Variants in RALYL observed in about 807,000 individuals in gnomAD.
The protein encoded by RALYL is RALY RNA binding protein like, also known as RNA-binding Raly-like protein.
A neutral mutation model predicts 35.1 loss-of-function variants in RALYL; 29 were observed. The observed-to-expected ratio is 0.83, with a 90% CI of 0.61 to 1.13. RALYL has a LOEUF of 1.13. RALYL is among the 50% of genes most tolerant of loss of function. The pLI is 0.00. For missense variants in RALYL, 359 were observed against 360.4 expected (o/e 1.00, Z 0.03); for synonymous variants, 120 against 127.6 (o/e 0.94, Z 0.40).
intron 2 of RALYL, among the ~76,000 whole-genome samples, chr8:84,748,317 T>C (rs992769999): frequency 2.6e-5 from 4 of 152,004 alleles, no homozygotes; most frequent in Admixed American, 1.3e-4. Flanking sequence ...CAGCTTTCAG[T>C]TGACATGGTA....
chr8:84,633,103 A>G (rs1824272724), intron 2 of RALYL, among the ~76,000 whole-genome samples: 1 of 80,504 alleles, frequency 1.2e-5, no homozygotes, highest in Non-Finnish European at 2.4e-5. Context: ...CTTTACTACA[A>G]TTGATAGAAT....
chr8:84,907,358 A>C (rs1042214921), intron 8 of RALYL, among the ~76,000 whole-genome samples: 3 of 151,990 alleles, frequency 2.0e-5, no homozygotes, highest in African/African-American at 7.2e-5. Flanking sequence ...ACACAGTGAA[A>C]AACTGAGAGG....
intron 2 of RALYL, among the ~76,000 whole-genome samples, chr8:84,714,072 T>C (rs1467010581): frequency 2.6e-5 from 4 of 151,144 alleles, no homozygotes; most frequent in African/African-American, 9.7e-5. Flanking sequence ...ATTCAATCTA[T>C]AAAAAGAAGG....
At chr8:84,722,826 A>T (rs1011472622) in intron 2 of RALYL, among the ~76,000 whole-genome samples, 1 of 148,528 alleles carries the variant, frequency 6.7e-6, no homozygotes, top group African/African-American at 2.5e-5. Flanking sequence ...AATTTTGTAT[A>T]AAAAAGGGAG....
chr8:84,307,501 C>A (rs996799135), intron 1 of RALYL, among the ~76,000 whole-genome samples: 13 of 152,086 alleles, frequency 8.5e-5, no homozygotes, highest in Non-Finnish European at 1.8e-4. Context: ...AAAGCACAAC[C>A]ACGTATATTT....
At chr8:84,914,310 T>C (rs6990756) in intron 8 of RALYL, among the ~76,000 whole-genome samples, 49,200 of 151,854 alleles carry the variant, frequency 0.32, 8,560 homozygotes, top group East Asian at 0.61. Context: ...TTATCATTTC[T>C]AGCATTGGGA....
chr8:84,493,027 C>A (rs984384404), intron 1 of RALYL, among the ~76,000 whole-genome samples: 1 of 151,998 alleles, frequency 6.6e-6, no homozygotes, highest in Non-Finnish European at 1.5e-5. Context: ...AGGTTTTAAG[C>A]CCCGCATGCA....
chr8:84,193,285 A>C (rs911958431), intron 1 of RALYL, among the ~76,000 whole-genome samples: 1 of 152,164 alleles, frequency 6.6e-6, no homozygotes, highest in African/African-American at 2.4e-5. Context: ...GTTTTTCAGG[A>C]TGGAATCCCC....
chr8:84,830,844 G>A (rs1348651557), intron 4 of RALYL, among the ~76,000 whole-genome samples: 2 of 152,006 alleles, frequency 1.3e-5, no homozygotes, highest in Non-Finnish European at 2.9e-5. Context: ...CAGAAGGAAA[G>A]TACCTCTAAG....
chr8:84,555,148 A>G (rs568358812), intron 2 of RALYL, among the ~76,000 whole-genome samples: 45 of 152,014 alleles, frequency 3.0e-4, no homozygotes, highest in East Asian at 7.8e-4. Flanking sequence ...GCGTGGTGGC[A>G]CACGCCTGTA....
chr8:84,847,988 A>G (rs984711197), intron 4 of RALYL, among the ~76,000 whole-genome samples: 4 of 152,212 alleles, frequency 2.6e-5, no homozygotes, highest in African/African-American at 9.6e-5. Flanking sequence ...AGCCAAAATA[A>G]CAAGCCCATC....
intron 1 of RALYL, among the ~76,000 whole-genome samples, chr8:84,342,929 A>G (rs1849129507): frequency 6.6e-6 from 1 of 152,122 alleles, no homozygotes; most frequent in Non-Finnish European, 1.5e-5. Context: ...TAATAGAATT[A>G]TGCCAATCTT....
At chr8:84,771,541 A>C in intron 2 of RALYL, among the ~76,000 whole-genome samples, 1 of 152,116 alleles carries the variant, frequency 6.6e-6, no homozygotes, top group East Asian at 1.9e-4. Context: ...TTGCTCAGAA[A>C]TGCCAGCATT....
intron 1 of RALYL, among the ~76,000 whole-genome samples, chr8:84,205,480 C>T (rs374822808): frequency 2.0e-5 from 3 of 152,276 alleles, no homozygotes; most frequent in African/African-American, 4.8e-5. Context: ...TATTACACAG[C>T]CCCCCTCTAA....
chr8:84,747,930 T>C (rs1207917841), intron 2 of RALYL, among the ~76,000 whole-genome samples: 1 of 151,960 alleles, frequency 6.6e-6, no homozygotes, highest in Non-Finnish European at 1.5e-5. Flanking sequence ...CTGAAACTTT[T>C]TGTAGTTGGT....
intron 2 of RALYL, among the ~76,000 whole-genome samples, chr8:84,666,718 G>T (rs1020588532): frequency 6.6e-6 from 1 of 151,956 alleles, no homozygotes; most frequent in African/African-American, 2.4e-5. Context: ...AAATGAAATC[G>T]TTTCTGTGCC....
intron 2 of RALYL, among the ~76,000 whole-genome samples, chr8:84,575,605 G>C (rs1217577919): frequency 6.6e-6 from 1 of 152,134 alleles, no homozygotes; most frequent in Admixed American, 6.5e-5. Flanking sequence ...TTAATGCACA[G>C]GGGCATAAAT....
At chr8:84,677,695 G>A (rs1834498817) in intron 2 of RALYL, among the ~76,000 whole-genome samples, 1 of 152,168 alleles carries the variant, frequency 6.6e-6, no homozygotes, top group Admixed American at 6.5e-5. Context: ...GAAAATGAAA[G>A]ATGCAGTTAT....
chr8:84,283,521 C>A (rs932245999), intron 1 of RALYL, among the ~76,000 whole-genome samples: 1 of 152,030 alleles, frequency 6.6e-6, no homozygotes, highest in African/African-American at 2.4e-5. Context: ...CATCTGGGGA[C>A]CGTCATGTAA....
Sources: gnomAD v4.1 joint callset for allele counts (sites outside exome capture counted in the v4.1 genomes callset) on GRCh38, gnomAD v4.1.1 for gene constraint, MANE v1.5 for transcripts, NCBI Gene and HGNC (gene_info 2026-07-23, HGNC 2026-07-21) for gene names.